Variants in MSI2 observed in about 807,000 individuals in gnomAD.
The protein encoded by MSI2 is musashi RNA binding protein 2.
A neutral mutation model predicts 45.6 loss-of-function variants in MSI2; 17 were observed. The observed-to-expected ratio is 0.37, with a 90% CI of 0.26 to 0.56. MSI2 has a LOEUF of 0.56. Ranked by LOEUF, MSI2 falls within the 20% of genes least tolerant of loss-of-function variation. The pLI, the probability that MSI2 is intolerant of heterozygous loss-of-function variation, is 0.77. For synonymous variants in MSI2, 156 were observed against 158.2 expected, an observed-to-expected ratio of 0.99 and a Z score of 0.11; for missense variants, 293 against 444.2, an observed-to-expected ratio of 0.66 and a Z score of 3.06.
In MSI2 at chr17:57,304,163, C is replaced by T. The variant is rs565271092; in HGVS notation, c.312+41971C>T. ...CATGAGGTCAGGAGATTGAGACCAT[C>T]CTGGCCAACATGGTGAAATGCTATC... is the stretch of plus-strand genomic sequence containing the variant. On this transcript the variant is annotated intron_variant, in intron 5 of 13. Coordinates refer to ENST00000284073, the MANE Select transcript of MSI2 (RefSeq NM_138962.4). Among the ~76,000 whole-genome samples, 10 of 152,080 alleles carry T rather than the reference C, an allele frequency of 6.6e-5. No individual in the cohort carries two copies. In the East Asian group the frequency reaches 2.0e-3, roughly 30 times the overall value.
downstream of MSI2, among the ~76,000 whole-genome samples, chr17:57,688,150 T>C (rs971328835): frequency 1.6e-4 from 24 of 152,178 alleles, no homozygotes; most frequent in African/African-American, 5.3e-4. Context: ...CTTGTAGGGG[T>C]GCTGCTGTCA....
At chr17:57,566,025 C>A (rs568581558) in intron 7 of MSI2, 3 of 152,302 alleles carry the variant, frequency 2.0e-5, no homozygotes, top group South Asian at 4.2e-4. Flanking sequence ...CCAAAGACAT[C>A]CTTAAAGACA....
intron 7 of MSI2, among the ~76,000 whole-genome samples, chr17:57,556,466 G>A (rs960963945): frequency 1.3e-5 from 2 of 152,226 alleles, no homozygotes; most frequent in African/African-American, 4.8e-5. Context: ...GTGGGCAGAC[G>A]AGGGATGTGA....
At position 57,543,323 on chromosome 17, in the gene MSI2, G is replaced by A. The variant is rs564111714; in HGVS notation, c.454+13599G>A. Among the ~76,000 whole-genome samples, 3 of 152,346 alleles carry A rather than the reference G, an allele frequency of 2.0e-5. No homozygotes were observed. In the East Asian group the frequency reaches 5.8e-4, roughly 29 times the overall value. ...GTTGTTGTAGCTGTTCTTAACAGCT[G>A]ATTTAGAAGAAACACTGAAAGTATT... On this transcript the variant is annotated intron_variant, in intron 7 of 13. Transcript: ENST00000284073.
chr17:57,338,837 C>T (rs543636581), intron 5 of MSI2, among the ~76,000 whole-genome samples: 7 of 152,270 alleles, frequency 4.6e-5, no homozygotes, highest in South Asian at 4.1e-4. Context: ...CAGGGGCTGC[C>T]GAGATGGGGA....
At chr17:57,275,388 G>A (rs577826732) in intron 5 of MSI2, among the ~76,000 whole-genome samples, 37 of 152,316 alleles carry the variant, frequency 2.4e-4, no homozygotes, top group Non-Finnish European at 4.3e-4. Flanking sequence ...GGGATTGAGG[G>A]CAAGGGTTAC....
chr17:57,281,114 AG>A (rs1909380614), intron 5 of MSI2, among the ~76,000 whole-genome samples: 1 of 151,776 alleles, frequency 6.6e-6, no homozygotes. Context: ...ATATCATACC[AG>A]GTGTGTGAGG....
At chr17:57,341,599 C>T in intron 5 of MSI2, among the ~76,000 whole-genome samples, 1 of 152,222 alleles carries the variant, frequency 6.6e-6, no homozygotes, top group African/African-American at 2.4e-5. Flanking sequence ...GTGCTGAGAA[C>T]ATGACTTTTT....
At chr17:57,549,220 G>C (rs1029074782) in intron 7 of MSI2, among the ~76,000 whole-genome samples, 3 of 151,906 alleles carry the variant, frequency 2.0e-5, no homozygotes, top group Admixed American at 6.6e-5. Context: ...AATTGTGCAT[G>C]CTGCCATCTA....
At chr17:57,309,118 G>A (rs1173241614) in intron 5 of MSI2, among the ~76,000 whole-genome samples, 1 of 152,218 alleles carries the variant, frequency 6.6e-6, no homozygotes, top group Non-Finnish European at 1.5e-5. Context: ...GTGGACTGGA[G>A]AAAGCCTTTG....
chr17:57,473,296 T>C (rs970665622), intron 6 of MSI2, among the ~76,000 whole-genome samples: 3 of 152,228 alleles, frequency 2.0e-5, no homozygotes, highest in African/African-American at 4.8e-5. Context: ...TTGTCTGTAA[T>C]GCATAATATA....
intron 5 of MSI2, among the ~76,000 whole-genome samples, chr17:57,349,900 A>G (rs1339738590): frequency 6.6e-6 from 1 of 152,234 alleles, no homozygotes; most frequent in African/African-American, 2.4e-5. Flanking sequence ...TTGGGAAGCC[A>G]AGAAATAATT....
intron 5 of MSI2, among the ~76,000 whole-genome samples, chr17:57,356,154 C>T (rs1386749931): frequency 6.6e-5 from 10 of 152,296 alleles, no homozygotes; most frequent in Admixed American, 2.0e-4. Flanking sequence ...GGATTACAGG[C>T]TTGAGCCACC....
At chr17:57,592,030 G>A (rs1279230682) in intron 7 of MSI2, among the ~76,000 whole-genome samples, 1 of 151,882 alleles carries the variant, frequency 6.6e-6, no homozygotes, top group African/African-American at 2.4e-5. Context: ...AAATTAGCCG[G>A]GTGCGGTGGC....
At chr17:57,437,193 T>G (rs1432973606) in intron 6 of MSI2, among the ~76,000 whole-genome samples, 1 of 152,248 alleles carries the variant, frequency 6.6e-6, no homozygotes, top group Non-Finnish European at 1.5e-5. Context: ...ACCTTACTTT[T>G]GGATTTATTT....
At chr17:57,545,904 C>A (rs887639410) in intron 7 of MSI2, among the ~76,000 whole-genome samples, 2 of 151,644 alleles carry the variant, frequency 1.3e-5, no homozygotes. Flanking sequence ...ACATCTGAGT[C>A]GCCTGAAGTG....
chr17:57,326,488 G>A lies in MSI2; in HGVS notation c.312+64296G>A, dbSNP rs1192535984. ...AGGTCTGTATTTCTTGGTTCAAGTT[G>A]GCCTCTTCCTACTAAACTGTAGGGC... On this transcript the variant is annotated intron_variant, in intron 5 of 13. Transcript: ENST00000284073. Among the ~76,000 whole-genome samples, 4 of 152,130 alleles carry A rather than the reference G, an allele frequency of 2.6e-5. No homozygotes were observed. In the East Asian group the frequency reaches 7.7e-4, roughly 29 times the overall value.
At chr17:57,563,478 C>G (rs1216326809) in intron 7 of MSI2, among the ~76,000 whole-genome samples, 1 of 152,136 alleles carries the variant, frequency 6.6e-6, no homozygotes, top group Admixed American at 6.5e-5. Flanking sequence ...GGCCACTGCC[C>G]AAGATCCCAG....
intron 6 of MSI2, among the ~76,000 whole-genome samples, chr17:57,437,937 G>A (rs892722607): frequency 2.0e-5 from 3 of 152,168 alleles, no homozygotes; most frequent in East Asian, 1.9e-4. Flanking sequence ...CATTAGAGAC[G>A]CACGCAGAAA....
Sources: allele counts gnomAD v4.1 joint callset (sites outside exome capture counted in the v4.1 genomes callset), GRCh38; gene constraint gnomAD v4.1.1; transcripts MANE v1.5; gene names NCBI Gene and HGNC (gene_info 2026-07-23, HGNC 2026-07-21).